Variants in CLCN6 observed in about 807,000 individuals in gnomAD.
CLCN6 encodes Cl-/H+ antiporter 6.
CLCN6 carries 70 observed loss-of-function variants against 109.8 expected under a neutral mutation model. The ratio of observed to expected loss-of-function variants is 0.64; its 90% CI spans 0.53 to 0.78. CLCN6 has a LOEUF of 0.78. Ranked by LOEUF, CLCN6 falls within the 30% of genes least tolerant of loss-of-function variation. The pLI, the probability that CLCN6 is intolerant of heterozygous loss-of-function variation, is 0.00. For missense variants in CLCN6, 984 were observed against 1,142.3 expected (o/e 0.86, Z 2.00); for synonymous variants, 444 against 447.8 (o/e 0.99, Z 0.11).
chr1:11,815,994 CA>C, intron 3 of CLCN6, 83 bp downstream of exon 3: 1 of 985,242 alleles, frequency 1.0e-6, no homozygotes, highest in Non-Finnish European at 1.6e-6. Context: ...CCCCAGTAAA[CA>C]TCTTTACACC....
rs755543293 is a variant in CLCN6, at chr1:11,833,471, AAGTC to A, written c.1249-41_1249-38del. On this transcript the variant is annotated intron_variant, in intron 13 of 22. Transcript: ENST00000346436. Reference sequence around the variant, plus strand: ...TGGAGACATCCCACTTGAAGACTCAAAGTCAGGTGTCCTTGTACTGATTTTCTGA... The same window carrying A: ...TGGAGACATCCCACTTGAAGACTCAAAGGTGTCCTTGTACTGATTTTCTGA... 15 of 1,607,228 alleles carry A rather than the reference AAGTC, an allele frequency of 9.3e-6. No individual in the cohort carries two copies. The East Asian group carries it at 3.3e-4, about 36-fold the overall frequency.
intron 10 of CLCN6, 69 bp from the exon 11 acceptor site, chr1:11,828,037 A>G: frequency 8.7e-7 from 1 of 1,142,928 alleles, no homozygotes; most frequent in Non-Finnish European, 1.3e-6. Flanking sequence ...GGGTACCAGG[A>G]GGAAGGGTTG....
At position 11,824,484 on chromosome 1, in the gene CLCN6, AG is replaced by A. The variant is rs2100633919; in HGVS notation, c.582del. 3 of 1,613,410 alleles carry A rather than the reference AG, an allele frequency of 1.9e-6. No individual in the cohort carries two copies. The highest frequency in any genetic ancestry group is 2.5e-6 in the Non-Finnish European group (3 of 1,179,564). On this transcript the variant is annotated splice_acceptor_variant, in intron 7 of 22. Transcript: ENST00000346436. LOFTEE classifies it high-confidence loss of function. Reference sequence around the variant, plus strand: ...TGGTCTTTCCTTTTTCACCCTGCCCAGGGCTCTTCGTGGAGAAGGAAGGCCC... The same window carrying A: ...TGGTCTTTCCTTTTTCACCCTGCCCAGGCTCTTCGTGGAGAAGGAAGGCCC...
rs2100642673 is a variant in CLCN6, at chr1:11,828,527, G to A, written c.1024G>A (p.Val342Ile). The change falls in exon 12 of 23, where the codon GTC becomes ATC. Residue 342 changes from valine to isoleucine, a missense_variant. By Grantham distance (29) the Val-to-Ile change is conservative. Coordinates refer to ENST00000346436, the MANE Select transcript of CLCN6 (RefSeq NM_001286.5). ...TTTGGGTTTCTTCGTCGTGATGGGG[G>A]TCATTGGGGGCCTCCTGGGAGCCAC... Reference protein sequence around the residue: ...MDLGFFVVMGVIGGLLGATFN... With the variant: ...MDLGFFVVMGIIGGLLGATFN... 1.9e-6 allele frequency: 3 copies of A among 1,614,108 alleles called. No homozygotes were observed. The highest frequency in any genetic ancestry group is 1.3e-5 in the African/African-American group (1 of 75,016).
At chr1:11,822,953 G>C (rs1342113555) in intron 6 of CLCN6, 152 bp downstream of exon 6, 13 of 608,214 alleles carry the variant, frequency 2.1e-5, no homozygotes, top group Non-Finnish European at 3.2e-5. Flanking sequence ...TTCACCTCTG[G>C]TGAGATTAAA....
At position 11,834,574 on chromosome 1, in the gene CLCN6, G is replaced by C. The variant is rs773643067; in HGVS notation, c.1777G>C (p.Glu593Gln). 1 of 1,614,104 alleles carries C rather than the reference G, an allele frequency of 6.2e-7. No homozygotes were observed. The highest frequency in any genetic ancestry group is 8.5e-7 in the Non-Finnish European group (1 of 1,179,998). ...RGVPLLEWET[E>Q]VEMDKLRASD... is the part of the protein sequence containing the mutation. ...CGTGCCGCTTCTGGAATGGGAGACAGAGGTGGAAATGGACAAGTAAGGCCA... is the reference window on the plus strand; with the variant it reads ...CGTGCCGCTTCTGGAATGGGAGACACAGGTGGAAATGGACAAGTAAGGCCA... Residue 593 changes from glutamate to glutamine, a missense_variant, in exon 17 of 23, where the codon GAG becomes CAG. Physicochemically the swap from Glu to Gln is conservative, Grantham distance 29. Transcript: ENST00000346436. The surrounding 1 kb of genome is among the most constrained non-coding windows in gnomAD (Gnocchi z 4.5).
chr1:11,816,635 G>T lies in CLCN6; in HGVS notation c.234G>T (p.Ala78=). The change falls in exon 4 of 23, where the codon GCG becomes GCT. Residue 78 remains alanine (A), a synonymous_variant. Transcript: ENST00000346436. ...AACAGAAAGGTCGAAGATATGAGGC[G>T]GTGAAGTGGATGGTGGTGTTTGCCA... is the stretch of plus-strand genomic sequence containing the variant. ...MDNKKGRRYE[A]VKWMVVFAIG... is the part of the protein sequence containing the mutation. 1 of 1,613,054 alleles carries T rather than the reference G, an allele frequency of 6.2e-7. No homozygotes were observed. Among genetic ancestry groups the T allele is most frequent in the Non-Finnish European group, 8.5e-7 (1 of 1,179,534 alleles).
At chr1:11,829,897 C>T (rs1644858922) in intron 13 of CLCN6, 1 of 156,110 alleles carries the variant, frequency 6.4e-6, no homozygotes, top group African/African-American at 2.4e-5. Context: ...GTTACTCTTC[C>T]ACCTCCCCTT....
In CLCN6 at chr1:11,836,972, A is replaced by G. The variant is rs751258918; in HGVS notation, c.1981-27A>G. On this transcript the variant is annotated intron_variant, in intron 18 of 22. Transcript: ENST00000346436. ...CTGCTGTGTTCGTTTGCCCATGCGC[A>G]GTAGCCTGTGGCCTCCCCACCCACA... 6.2e-6 allele frequency: 10 copies of G among 1,603,672 alleles called. No individual in the cohort carries two copies. In the Admixed American group the frequency reaches 1.3e-4, roughly 21 times the overall value.
At position 11,829,222 on chromosome 1, in the gene CLCN6, T is replaced by A; in HGVS notation, c.1148T>A (p.Leu383Gln). The A allele has an allele frequency of 6.2e-7, 1 of 1,614,104 alleles. No homozygotes were observed. The highest frequency in any genetic ancestry group is 8.5e-7 in the Non-Finnish European group (1 of 1,179,966). Residue 383 changes from leucine (L) to glutamine (Q), a missense_variant, in exon 13 of 23, where the codon CTG (leucine) becomes CAG (glutamine). Transcript: ENST00000346436. The part of the protein sequence containing the change: ...VRVLESLLVS[L>Q]VTTVVVFVAS... Reference sequence around the variant, plus strand: ...GTCTTAGAGAGCCTCCTTGTGTCTCTGGTAACCACCGTGGTGGTGTTTGTG... The same window carrying A: ...GTCTTAGAGAGCCTCCTTGTGTCTCAGGTAACCACCGTGGTGGTGTTTGTG...
At chr1:11,812,344 C>T (rs1270294719) in intron 2 of CLCN6, among the ~76,000 whole-genome samples, 1 of 152,178 alleles carries the variant, frequency 6.6e-6, no homozygotes, top group Non-Finnish European at 1.5e-5. Context: ...GCTTTCATGC[C>T]CTCTCCAGGC....
rs148623709 is a variant in CLCN6 at position 11,840,278 on chromosome 1, C to T, written c.*55C>T. 1.1e-3 allele frequency: 1,565 copies of T among 1,465,010 alleles called. 1 individual carries two copies. Among genetic ancestry groups the T allele is most frequent in the Non-Finnish European group, 1.3e-3 (1,367 of 1,052,194 alleles). 90.8% of individuals were successfully genotyped at this position (1,465,010 alleles called of 1,614,324 possible). A position where few individuals can be genotyped will look rare whatever the true frequency, so the allele number is the denominator to read the frequency against. On this transcript the variant is annotated 3_prime_UTR_variant, in exon 23 of 23. Transcript: ENST00000346436. ...CTGGGGAGGCAAATCATGCTCACTCCGGCGGGCACAGCTGGCTGGGGCTGT... is the reference window on the plus strand; with the variant it reads ...CTGGGGAGGCAAATCATGCTCACTCTGGCGGGCACAGCTGGCTGGGGCTGT...
intron 5 of CLCN6, among the ~76,000 whole-genome samples, chr1:11,819,757 A>G (rs1644718340): frequency 6.6e-6 from 1 of 152,252 alleles, no homozygotes; most frequent in African/African-American, 2.4e-5. Context: ...GTGGTTGATA[A>G]GATTACAGAT....
chr1:11,838,643 G>C lies in CLCN6; in HGVS notation c.2512G>C (p.Val838Leu). ...RTMGLRHLPV[V>L]NAVGEIVGII... is the part of the protein sequence containing the mutation. ...GATGGGCCTGCGCCACCTGCCCGTG[G>C]TGAACGCTGTGGGAGAGGTGAGCGA... The change falls in exon 22 of 23, where the codon GTG becomes CTG. Residue 838 changes from valine (V) to leucine (L), a missense_variant. By Grantham distance (32) the Val-to-Leu change is conservative. Coordinates refer to ENST00000346436, the MANE Select transcript of CLCN6 (RefSeq NM_001286.5). The C allele has an allele frequency of 6.2e-7, 1 of 1,614,230 alleles. No individual in the cohort carries two copies.
chr1:11,832,266 C>G (rs1274147262), intron 13 of CLCN6, among the ~76,000 whole-genome samples: 1 of 152,226 alleles, frequency 6.6e-6, no homozygotes, highest in East Asian at 1.9e-4. Flanking sequence ...CTCAACGTCA[C>G]TAGAGAGTGG....
rs367810858 is a variant in CLCN6 at position 11,826,266 on chromosome 1, G to A, written c.707+52G>A. On this transcript the variant is annotated intron_variant, in intron 9 of 22. Coordinates refer to ENST00000346436, the MANE Select transcript of CLCN6 (RefSeq NM_001286.5). Reference sequence around the variant, plus strand: ...TTTTTTGGAAACAACATGTTCATGCGCTGCGGGTCAGACTCGACACTTGCT... The same window carrying A: ...TTTTTTGGAAACAACATGTTCATGCACTGCGGGTCAGACTCGACACTTGCT... 2.2e-5 allele frequency: 32 copies of A among 1,433,356 alleles called. No individual in the cohort carries two copies. In the Middle Eastern group the frequency reaches 7.0e-4, roughly 31 times the overall value. 88.8% of individuals were successfully genotyped at this position (1,433,356 alleles called of 1,614,324 possible).
At position 11,828,537 on chromosome 1, in the gene CLCN6, G is replaced by A. The variant is rs1570532641; in HGVS notation, c.1034G>A (p.Gly345Asp). Residue 345 changes from glycine (G) to aspartate (D), a missense_variant, in exon 12 of 23, where the codon GGC (glycine) becomes GAC (aspartate). Physicochemically the swap from Gly to Asp is moderately conservative, Grantham distance 94. Coordinates refer to ENST00000346436, the MANE Select transcript of CLCN6 (RefSeq NM_001286.5). ...TTCGTCGTGATGGGGGTCATTGGGGGCCTCCTGGGAGCCACATTCAACTGT... is the reference window on the plus strand; with the variant it reads ...TTCGTCGTGATGGGGGTCATTGGGGACCTCCTGGGAGCCACATTCAACTGT... ...GFFVVMGVIG[G>D]LLGATFNCLN... 1 of 1,613,954 alleles carries A rather than the reference G, an allele frequency of 6.2e-7. No homozygotes were observed. Among genetic ancestry groups the A allele is most frequent in the Non-Finnish European group, 8.5e-7 (1 of 1,180,028 alleles).
At chr1:11,818,261 T>C (rs768207372) in intron 4 of CLCN6, among the ~76,000 whole-genome samples, 3 of 152,186 alleles carry the variant, frequency 2.0e-5, no homozygotes, top group Non-Finnish European at 4.4e-5. Context: ...CACTTGTCAG[T>C]ACTACAGGTT....
At chr1:11,838,994 G>T (rs1056453577) in intron 22 of CLCN6, 2 of 672,728 alleles carry the variant, frequency 3.0e-6, no homozygotes, top group African/African-American at 1.8e-5. Context: ...CATTAGATGA[G>T]AGAATTTCAA....
Sources: allele counts gnomAD v4.1 joint callset (sites outside exome capture counted in the v4.1 genomes callset), GRCh38; gene constraint gnomAD v4.1.1; non-coding constraint Gnocchi (gnomAD v3.1); transcripts MANE v1.5; gene names NCBI Gene and HGNC (gene_info 2026-07-23, HGNC 2026-07-21).